STARD13: variants seen among roughly 807,000 people sequenced by gnomAD.
STARD13 encodes the protein stAR-related lipid transfer protein 13.
Under a neutral mutation model 106.4 loss-of-function variants are expected in STARD13, and 62 were observed. That is an observed-to-expected ratio of 0.58 (90% CI 0.48 to 0.72). The LOEUF is 0.72. Among genes scored for constraint, STARD13 ranks in the 30% least tolerant of loss-of-function variants. STARD13 has a pLI of 0.00. For missense variants in STARD13, 1,387 were observed against 1,424.0 expected, an observed-to-expected ratio of 0.97 and a Z score of 0.42; for synonymous variants, 565 against 553.0, an observed-to-expected ratio of 1.02 and a Z score of -0.31.
At chr13:33,668,646 C>T in the STARD13 span, among the ~76,000 whole-genome samples, 1 of 152,186 alleles carries the variant, frequency 6.6e-6, no homozygotes, top group Non-Finnish European at 1.5e-5. Context: ...TTTCCTGGAA[C>T]CCTGAGTGAG....
chr13:33,629,393 T>A, the STARD13 span, among the ~76,000 whole-genome samples: 2 of 152,228 alleles, frequency 1.3e-5, no homozygotes, highest in Admixed American at 1.3e-4. Context: ...AGCTTATGTG[T>A]TGTCTTGTTT....
At chr13:33,457,407 G>A in the STARD13 span, among the ~76,000 whole-genome samples, 3 of 152,198 alleles carry the variant, frequency 2.0e-5, no homozygotes, top group Non-Finnish European at 4.4e-5. Context: ...CTCAAAGCCA[G>A]AAAAGAACTT....
At chr13:33,280,160 A>G (rs2138394952) in intron 1 of STARD13, 1 of 152,348 alleles carries the variant, frequency 6.6e-6, no homozygotes, top group Admixed American at 6.5e-5. Context: ...ATTTAGGCTG[A>G]CATTACCCAG....
At chr13:33,481,829 A>T in the STARD13 span, among the ~76,000 whole-genome samples, 3 of 144,260 alleles carry the variant, frequency 2.1e-5, no homozygotes, top group Non-Finnish European at 4.5e-5. Flanking sequence ...AATACAAAAA[A>T]TTAGCCGGGC....
the STARD13 span, among the ~76,000 whole-genome samples, chr13:33,672,216 G>T: frequency 1.8e-4 from 28 of 152,176 alleles, no homozygotes; most frequent in African/African-American, 5.1e-4. Flanking sequence ...TCCTTTGCAG[G>T]GACATGGATG....
the STARD13 span, among the ~76,000 whole-genome samples, chr13:33,671,295 G>A: frequency 0.035 from 5,291 of 152,326 alleles, 108 homozygotes; most frequent in Non-Finnish European, 0.052. Context: ...CCATATGGTA[G>A]TTAAAAGACC....
chr13:33,603,828 C>T, the STARD13 span, among the ~76,000 whole-genome samples: 1 of 151,864 alleles, frequency 6.6e-6, no homozygotes, highest in African/African-American at 2.4e-5. Context: ...TCCCACAAAC[C>T]CCATTTAAAA....
chr13:33,529,587 C>T, the STARD13 span, among the ~76,000 whole-genome samples: 5 of 152,012 alleles, frequency 3.3e-5, no homozygotes, highest in Non-Finnish European at 7.4e-5. Context: ...TCCTCAAGAC[C>T]TCTAAACTAA....
At chr13:33,141,654 C>A (rs1013080152) in intron 4 of STARD13, among the ~76,000 whole-genome samples, 13 of 152,100 alleles carry the variant, frequency 8.5e-5, no homozygotes, top group African/African-American at 2.9e-4. Context: ...ACATTATCAG[C>A]TGAATCTGCC....
chr13:33,450,380 C>T, the STARD13 span, among the ~76,000 whole-genome samples: 1,611 of 152,170 alleles, frequency 0.011, 35 homozygotes, highest in African/African-American at 0.037. Context: ...TAATGATTTT[C>T]CTGTGTTGAT....
At position 33,110,731 on chromosome 13, in the gene STARD13, C is replaced by T; in HGVS notation, c.2784G>A (p.Trp928Ter). The T allele has an allele frequency of 1.9e-6, 3 of 1,614,198 alleles. No homozygotes were observed. The highest frequency in any genetic ancestry group is 2.5e-6 in the Non-Finnish European group (3 of 1,180,042). ...TATTGTCCGTGCTGGAGCACGTGAC[C>T]CATCCTTTGAACTTCTCCTTGGCTT... Reference protein sequence around the residue: ...QKEAKEKFKGWVTCSSTDNTD... With the variant: ...QKEAKEKFKG The change falls in exon 11 of 14, where the codon TGG becomes TGA. Residue 928 changes from tryptophan to a stop codon, truncating the protein, a stop_gained. Coordinates refer to ENST00000336934, the MANE Select transcript of STARD13 (RefSeq NM_178006.4). LOFTEE classifies it high-confidence loss of function.
chr13:33,496,802 T>C, the STARD13 span, among the ~76,000 whole-genome samples: 1 of 152,144 alleles, frequency 6.6e-6, no homozygotes, highest in Non-Finnish European at 1.5e-5. Context: ...TGTATGCCAT[T>C]TTGTCTCAAC....
downstream of STARD13, among the ~76,000 whole-genome samples, chr13:33,346,310 A>C (rs9563353): frequency 0.99 from 151,174 of 152,276 alleles, 75,047 homozygotes; most frequent in South Asian, 1. Flanking sequence ...ACCCAGCTAA[A>C]CTCCCCAGGC....
At chr13:33,334,703 G>A (rs2077874639) in intron 1 of STARD13, among the ~76,000 whole-genome samples, 1 of 152,174 alleles carries the variant, frequency 6.6e-6, no homozygotes, top group Non-Finnish European at 1.5e-5. Flanking sequence ...AGAGATAAAG[G>A]TATCTGACCT....
intron 1 of STARD13, among the ~76,000 whole-genome samples, chr13:33,233,626 C>G (rs945636519): frequency 6.6e-6 from 1 of 152,260 alleles, no homozygotes; most frequent in African/African-American, 2.4e-5. Context: ...AGTGCAGGTA[C>G]TCAGAAAGGC....
chr13:33,336,884 A>G lies in STARD13; in HGVS notation c.124+13406T>C, dbSNP rs535546262. 2.4e-4 allele frequency among the ~76,000 whole-genome samples: 37 copies of G among 152,252 alleles called. 1 individual carries two copies. The South Asian group carries it at 7.5e-3, about 31-fold the overall frequency. Reference sequence around the variant, plus strand: ...GCACTCTTATTTTCAATTGTCCAGAAATATCAGGTTGGTGAAAAAGTAATT... The same window carrying G: ...GCACTCTTATTTTCAATTGTCCAGAGATATCAGGTTGGTGAAAAAGTAATT... On this transcript the variant is annotated intron_variant, in intron 1 of 5. Coordinates refer to the STARD13 transcript ENST00000567873.
chr13:33,105,733 G>C (rs1201585221), intron 13 of STARD13, 23 bp from the exon 14 acceptor site: 1 of 1,584,442 alleles, frequency 6.3e-7, no homozygotes, highest in Non-Finnish European at 8.7e-7. Flanking sequence ...AAATCAGAAA[G>C]GAAGTGGGAA....
At chr13:33,117,936 G>C (rs1213030295) in intron 8 of STARD13, 129 bp downstream of exon 8, 7 of 1,484,762 alleles carry the variant, frequency 4.7e-6, no homozygotes, top group Non-Finnish European at 6.2e-6. Context: ...CCGTAGAGGA[G>C]AGCAGGATTA....
intron 1 of STARD13, among the ~76,000 whole-genome samples, chr13:33,174,852 G>C (rs533552897): frequency 3.3e-5 from 5 of 152,104 alleles, no homozygotes; most frequent in Non-Finnish European, 5.9e-5. Flanking sequence ...TTTCTGCTCC[G>C]AATTCTGCTT....
Sources: gnomAD v4.1 joint callset for allele counts (sites outside exome capture counted in the v4.1 genomes callset) on GRCh38, gnomAD v4.1.1 for gene constraint, MANE v1.5 for transcripts, NCBI Gene and HGNC (gene_info 2026-07-23, HGNC 2026-07-21) for gene names.